Variants in PTDSS1 observed in about 807,000 individuals in gnomAD.
The protein encoded by PTDSS1 is PSS-1.
Under a neutral mutation model 70.5 loss-of-function variants are expected in PTDSS1, and 45 were observed. That is an observed-to-expected ratio of 0.64 (90% CI 0.50 to 0.82). The LOEUF (loss-of-function observed/expected upper bound fraction) is 0.82. PTDSS1 is among the 40% of genes least tolerant of loss of function. PTDSS1 has a pLI of 0.00. For synonymous variants in PTDSS1, 188 were observed against 203.8 expected (o/e 0.92, Z 0.66); for missense variants, 417 against 586.1 (o/e 0.71, Z 2.98).
chr8:96,319,978 G>A (rs1234196820), intron 9 of PTDSS1, among the ~76,000 whole-genome samples: 1 of 152,196 alleles, frequency 6.6e-6, no homozygotes, highest in Non-Finnish European at 1.5e-5. Context: ...GAGGTGCTGA[G>A]TTAGGTGATG....
chr8:96,304,851 A>T (rs1430248179), intron 7 of PTDSS1, among the ~76,000 whole-genome samples: 1 of 152,256 alleles, frequency 6.6e-6, no homozygotes, highest in East Asian at 1.9e-4. Context: ...CTTTTGCCTG[A>T]AGAGGATCTT....
chr8:96,276,971 CA>C (rs1325313170), intron 2 of PTDSS1, among the ~76,000 whole-genome samples: 3 of 89,220 alleles, frequency 3.4e-5, no homozygotes, highest in African/African-American at 1.8e-4. Context: ...TACACGCGCG[CA>C]CGCGCGCGCA....
chr8:96,288,647 T>TC (rs1810859173), intron 4 of PTDSS1, among the ~76,000 whole-genome samples: 1 of 146,212 alleles, frequency 6.8e-6, no homozygotes, highest in Non-Finnish European at 1.5e-5. Flanking sequence ...TTTTTTTTTT[T>TC]GAGATGGTGC....
intron 6 of PTDSS1, among the ~76,000 whole-genome samples, chr8:96,303,147 TCTC>T (rs1188145764): frequency 1.3e-5 from 2 of 152,274 alleles, no homozygotes; most frequent in African/African-American, 4.8e-5. Context: ...CCCATTTTCT[TCTC>T]AGTCTTTCTA....
At chr8:96,312,778 C>T (rs1811230853) in intron 9 of PTDSS1, among the ~76,000 whole-genome samples, 1 of 152,176 alleles carries the variant, frequency 6.6e-6, no homozygotes, top group Non-Finnish European at 1.5e-5. Context: ...CCACTGCCAG[C>T]CAGGGAAGGT....
intron 10 of PTDSS1, among the ~76,000 whole-genome samples, chr8:96,327,710 T>C (rs1811457326): frequency 6.6e-6 from 1 of 152,124 alleles, no homozygotes; most frequent in Non-Finnish European, 1.5e-5. Context: ...GGTTGTCTGC[T>C]CGGCCGTCAT....
chr8:96,276,980 G>A (rs13279570), intron 2 of PTDSS1, among the ~76,000 whole-genome samples: 68,837 of 145,582 alleles, frequency 0.47, 17,546 homozygotes, highest in African/African-American at 0.69. Flanking sequence ...GCACGCGCGC[G>A]CACACACACA....
At chr8:96,309,706 C>T (rs1811179682) in intron 9 of PTDSS1, 84 bp downstream of exon 9, 1 of 1,334,158 alleles carries the variant, frequency 7.5e-7, no homozygotes, top group Non-Finnish European at 1.1e-6. Context: ...TGTTAAGAGC[C>T]TTTCAGTATA....
rs1172503528 is a variant in PTDSS1 at position 96,333,819 on chromosome 8, TG to T, written c.*255del. The T allele has an allele frequency of 4.4e-6, 3 of 689,364 alleles. No homozygotes were observed. Among genetic ancestry groups the T allele is most frequent in the Non-Finnish European group, 7.9e-6 (3 of 379,628 alleles). The allele number at this position is 689,364 out of a possible 1,614,324, so 42.7% of individuals were successfully genotyped here. A position where few individuals can be genotyped will look rare whatever the true frequency, so the allele number is the denominator to read the frequency against. On this transcript the variant is annotated 3_prime_UTR_variant, in exon 13 of 13. Transcript: ENST00000517309. Reference sequence around the variant, plus strand: ...TCAGCACTTGACATGCGGTCACCGGTGGCAGCGCGGTGTGTTGAAGGGAAAC... The same window carrying T: ...TCAGCACTTGACATGCGGTCACCGGTGCAGCGCGGTGTGTTGAAGGGAAAC...
At position 96,287,157 on chromosome 8, in the gene PTDSS1, G is replaced by A. The variant is rs1038297370; in HGVS notation, c.441+11G>A. 12 of 1,613,568 alleles carry A rather than the reference G, an allele frequency of 7.4e-6. No homozygotes were observed. Among genetic ancestry groups the A allele is most frequent in the Non-Finnish European group, 9.3e-6 (11 of 1,179,788 alleles). ...GAAGCAGATGTCATGGTATGTACTT[G>A]TCAGTGGCCTCTTGGAGAAACTCGT... On this transcript the variant is annotated intron_variant, in intron 4 of 12. Coordinates refer to ENST00000517309, the MANE Select transcript of PTDSS1 (RefSeq NM_014754.3).
At chr8:96,309,117 G>C (rs1309079916) in intron 8 of PTDSS1, 3 of 154,454 alleles carry the variant, frequency 1.9e-5, no homozygotes, top group Non-Finnish European at 4.3e-5. Context: ...ACCCACCTGG[G>C]GTTCCTTTGC....
chr8:96,274,031 C>G (rs959103319), intron 2 of PTDSS1, among the ~76,000 whole-genome samples: 2 of 152,160 alleles, frequency 1.3e-5, no homozygotes, highest in Admixed American at 6.5e-5. Context: ...CAAATTCTTC[C>G]TTAAAAGTTG....
Position 96,262,231 on chromosome 8 carries a change from C to A in PTDSS1, c.179+12C>A. On this transcript the variant is annotated intron_variant, in intron 1 of 12. Coordinates refer to ENST00000517309, the MANE Select transcript of PTDSS1 (RefSeq NM_014754.3). The surrounding 1 kb of genome is among the most constrained non-coding windows in gnomAD (Gnocchi z 4.4). ...TTCGCCTTTACCAGGTGGGGCGGCC[C>A]AGCCGAGCGGGGGGCGCGTCCAAGG... 1 of 1,605,142 alleles carries A rather than the reference C, an allele frequency of 6.2e-7. No homozygotes were observed.
intron 1 of PTDSS1, among the ~76,000 whole-genome samples, chr8:96,267,796 A>C (rs1810509244): frequency 6.6e-6 from 1 of 151,976 alleles, no homozygotes; most frequent in African/African-American, 2.4e-5. Flanking sequence ...AGCACACCCA[A>C]CACCCAACAC....
intron 7 of PTDSS1, 128 bp downstream of exon 7, chr8:96,304,309 C>T (rs1811093923): frequency 2.7e-6 from 3 of 1,124,342 alleles, no homozygotes; most frequent in Non-Finnish European, 3.7e-6. Flanking sequence ...TAATATTCTG[C>T]AGCTGGCATG....
At chr8:96,329,626 T>C (rs1000246737) in intron 10 of PTDSS1, among the ~76,000 whole-genome samples, 1 of 152,186 alleles carries the variant, frequency 6.6e-6, no homozygotes, top group African/African-American at 2.4e-5. Flanking sequence ...AGAGCATCTT[T>C]ATTTTCTCTT....
At chr8:96,318,798 T>C (rs3104154) in intron 9 of PTDSS1, among the ~76,000 whole-genome samples, 143,475 of 152,150 alleles carry the variant, frequency 0.94, 67,881 homozygotes, top group Non-Finnish European at 0.96. Context: ...TCCAGGCATT[T>C]AGACCTTCAG....
At chr8:96,283,615 TCA>T (rs3060812) in intron 2 of PTDSS1, 33,161 of 149,932 alleles carry the variant, frequency 0.22, 4,322 homozygotes, top group Non-Finnish European at 0.29. Context: ...TCTCTCTCTC[TCA>T]CACACACACA....
At chr8:96,310,903 C>T (rs1364160070) in intron 9 of PTDSS1, among the ~76,000 whole-genome samples, 2 of 151,724 alleles carry the variant, frequency 1.3e-5, no homozygotes, top group South Asian at 2.1e-4. Context: ...GTAGCTGGGA[C>T]TACAGGCGCG....
Sources: gnomAD v4.1 joint callset for allele counts (sites outside exome capture counted in the v4.1 genomes callset) on GRCh38, gnomAD v4.1.1 for gene constraint, Gnocchi (gnomAD v3.1) non-coding constraint, MANE v1.5 for transcripts, NCBI Gene and HGNC (gene_info 2026-07-23, HGNC 2026-07-21) for gene names.